MMRN1: variants seen among roughly 807,000 people sequenced by gnomAD.
MMRN1 encodes the protein multimerin 1, also known as multimerin-1.
A neutral mutation model predicts 100.7 loss-of-function variants in MMRN1; 94 were observed. The observed-to-expected ratio is 0.93, with a 90% CI of 0.79 to 1.11. The LOEUF (loss-of-function observed/expected upper bound fraction) is 1.11. Among genes scored for constraint, MMRN1 ranks in the 50% least tolerant of loss-of-function variants. MMRN1 has a pLI of 0.00. For missense variants in MMRN1, 1,606 were observed against 1,439.1 expected (o/e 1.12, Z -1.88); for synonymous variants, 575 against 505.0 (o/e 1.14, Z -1.86).
chr4:89,923,118 A>G (rs1275742268), intron 3 of MMRN1, 50 bp from the exon 4 acceptor site: 1 of 1,416,478 alleles, frequency 7.1e-7, no homozygotes, highest in East Asian at 2.3e-5. Context: ...GGAAAAAATG[A>G]GGCTGTCCCA....
intron 1 of MMRN1, among the ~76,000 whole-genome samples, chr4:89,882,185 A>G (rs1360704650): frequency 1.3e-5 from 2 of 151,830 alleles, no homozygotes; most frequent in African/African-American, 2.4e-5. Context: ...CATGTAAAAA[A>G]GAGAATTTGG....
At chr4:89,942,806 T>A (rs1437404493) in intron 6 of MMRN1, among the ~76,000 whole-genome samples, 1 of 152,148 alleles carries the variant, frequency 6.6e-6, no homozygotes, top group Non-Finnish European at 1.5e-5. Flanking sequence ...AAAAAAATGA[T>A]CGCATGTTGT....
chr4:89,928,075 T>A (rs925798218), intron 5 of MMRN1, 107 bp downstream of exon 5: 2 of 867,888 alleles, frequency 2.3e-6, no homozygotes, highest in Non-Finnish European at 1.7e-6. Context: ...TTGGGTGGTA[T>A]GGAAACCTAA....
chr4:89,895,510 G>A lies in MMRN1; in HGVS notation c.539G>A (p.Arg180Gln), dbSNP rs754133947. 5.0e-6 allele frequency: 8 copies of A among 1,613,756 alleles called. No individual in the cohort carries two copies. In the South Asian group the frequency reaches 5.5e-5, roughly 11 times the overall value. Reference protein sequence around the residue: ...GTGGVGNRAPRETYLSRGDSS... With the variant: ...GTGGVGNRAPQETYLSRGDSS... ...GGAGGCGTGGGAAATCGAGCCCCAC[G>A]GGAAACATACCTCAGCCGGGGTGAC... Residue 180 changes from arginine to glutamine, a missense_variant, in exon 1 of 8, where the codon CGG becomes CAG. Arg to Gln is a conservative substitution (Grantham distance 43, BLOSUM62 1). Coordinates refer to ENST00000264790, the MANE Select transcript of MMRN1 (RefSeq NM_007351.3).
intron 6 of MMRN1, among the ~76,000 whole-genome samples, chr4:89,942,701 A>G (rs1458513213): frequency 6.6e-6 from 1 of 152,182 alleles, no homozygotes; most frequent in Non-Finnish European, 1.5e-5. Context: ...CATTGATATC[A>G]ATATTAATAA....
At chr4:89,919,085 A>G (rs1467582122) in intron 3 of MMRN1, among the ~76,000 whole-genome samples, 1 of 151,640 alleles carries the variant, frequency 6.6e-6, no homozygotes, top group Non-Finnish European at 1.5e-5. Flanking sequence ...ACTCATTTGC[A>G]ATGATATTCC....
chr4:89,898,437 A>T (rs1392830588), intron 1 of MMRN1, among the ~76,000 whole-genome samples: 1 of 151,928 alleles, frequency 6.6e-6, no homozygotes, highest in African/African-American at 2.4e-5. Flanking sequence ...CAGCTCCTAC[A>T]TTACACTCCC....
chr4:89,915,422 T>C (rs112838007), intron 3 of MMRN1, among the ~76,000 whole-genome samples: 2,252 of 151,724 alleles, frequency 0.015, 68 homozygotes, highest in African/African-American at 0.051. Flanking sequence ...AAGTTTTCAC[T>C]TGATATTGAG....
In MMRN1 at chr4:89,935,155, T is replaced by C; in HGVS notation, c.1475T>C (p.Leu492Pro). The change falls in exon 6 of 8, where the codon CTA (leucine) becomes CCA (proline). Residue 492 changes from leucine (L) to proline (P), a missense_variant. Physicochemically the swap from Leu to Pro is moderately conservative, Grantham distance 98. Transcript: ENST00000264790. ...EVKQTHLEGALEQEHSRSILY... is the reference protein window; with the variant it reads ...EVKQTHLEGAPEQEHSRSILY... Reference sequence around the variant, plus strand: ...AAGCAGACTCATTTAGAAGGTGCTCTAGAACAGGAACACTCAAGAAGCATT... The same window carrying C: ...AAGCAGACTCATTTAGAAGGTGCTCCAGAACAGGAACACTCAAGAAGCATT... 1 of 1,613,506 alleles carries C rather than the reference T, an allele frequency of 6.2e-7. No individual in the cohort carries two copies. The highest frequency in any genetic ancestry group is 8.5e-7 in the Non-Finnish European group (1 of 1,179,702).
intron 3 of MMRN1, among the ~76,000 whole-genome samples, chr4:89,921,692 G>A (rs978743913): frequency 6.6e-6 from 1 of 152,036 alleles, no homozygotes; most frequent in Non-Finnish European, 1.5e-5. Flanking sequence ...ATACAGCAGA[G>A]GAAATGAAAA....
At chr4:89,938,389 G>T (rs897428367) in intron 6 of MMRN1, among the ~76,000 whole-genome samples, 2 of 148,298 alleles carry the variant, frequency 1.3e-5, no homozygotes, top group African/African-American at 4.9e-5. Context: ...TCCATTATTG[G>T]TCTTCATGTG....
chr4:89,892,710 T>C (rs919653161), upstream of MMRN1, among the ~76,000 whole-genome samples: 3 of 152,008 alleles, frequency 2.0e-5, no homozygotes, highest in Admixed American at 6.6e-5. Context: ...AAAGTCATTA[T>C]TGGTCAATAC....
At chr4:89,934,052 C>A (rs1460347156) in intron 5 of MMRN1, among the ~76,000 whole-genome samples, 1 of 151,766 alleles carries the variant, frequency 6.6e-6, no homozygotes, top group Non-Finnish European at 1.5e-5. Flanking sequence ...TTAGAGACTA[C>A]CACAATTATG....
rs1357427276 is a variant in MMRN1, at chr4:89,909,390, T to A, written c.738T>A (p.Pro246=). 2 of 1,608,750 alleles carry A rather than the reference T, an allele frequency of 1.2e-6. No homozygotes were observed. Among genetic ancestry groups the A allele is most frequent in the Admixed American group, 1.7e-5 (1 of 59,304 alleles). ...GTGGCTGGACCGGTGGATCCTGTCCTCAGAGGTATGTAATATTTCTTGAAA... is the reference window on the plus strand; with the variant it reads ...GTGGCTGGACCGGTGGATCCTGTCCACAGAGGTATGTAATATTTCTTGAAA... ...GPCGWTGGSC[P]QRSQKISNPV... Residue 246 remains proline (P), a synonymous_variant, in exon 2 of 8, where the codon CCT becomes CCA. Coordinates refer to ENST00000264790, the MANE Select transcript of MMRN1 (RefSeq NM_007351.3).
intron 5 of MMRN1, among the ~76,000 whole-genome samples, chr4:89,931,536 T>C (rs1430337393): frequency 6.6e-6 from 1 of 152,144 alleles, no homozygotes; most frequent in East Asian, 1.9e-4. Context: ...TTAGTCCATT[T>C]TCATATTGCT....
Position 89,900,854 on chromosome 4 carries a change from T to C in MMRN1, c.623+5260T>C, listed in dbSNP as rs558362832. Among the ~76,000 whole-genome samples the C allele has an allele frequency of 2.0e-5, 3 of 152,120 alleles. No individual in the cohort carries two copies. The South Asian group carries it at 6.2e-4, about 32-fold the overall frequency. ...AGGACCTTGAATTATGAACGGAGAA[T>C]CTCTAATATTTGATGAACTGATAGT... is the stretch of plus-strand genomic sequence containing the variant. On this transcript the variant is annotated intron_variant, in intron 1 of 7. Transcript: ENST00000264790.
chr4:89,921,085 A>T (rs931503172), intron 3 of MMRN1, among the ~76,000 whole-genome samples: 1 of 152,126 alleles, frequency 6.6e-6, no homozygotes, highest in African/African-American at 2.4e-5. Flanking sequence ...TGCTTTCACT[A>T]TAATTATGCT....
At chr4:89,948,213 G>T (rs1192060840) in intron 6 of MMRN1, among the ~76,000 whole-genome samples, 1 of 152,138 alleles carries the variant, frequency 6.6e-6, no homozygotes, top group Non-Finnish European at 1.5e-5. Flanking sequence ...GAAAATCAGT[G>T]CCATTCAATC....
rs538877851 is a variant in MMRN1 at position 89,946,732 on chromosome 4, G to C, written c.3119-4873G>C. Among the ~76,000 whole-genome samples, 7 of 152,190 alleles carry C rather than the reference G, an allele frequency of 4.6e-5. No individual in the cohort carries two copies. In the South Asian group the frequency reaches 1.5e-3, roughly 32 times the overall value. ...GGTGCTCTCCAATTAGTTCAAATAT[G>C]TACATTTATGAAATATGAAACTAGG... On this transcript the variant is annotated intron_variant, in intron 6 of 7. Coordinates refer to ENST00000264790, the MANE Select transcript of MMRN1 (RefSeq NM_007351.3).
Sources: allele counts gnomAD v4.1 joint callset (sites outside exome capture counted in the v4.1 genomes callset), GRCh38; gene constraint gnomAD v4.1.1; transcripts MANE v1.5; gene names NCBI Gene and HGNC (gene_info 2026-07-23, HGNC 2026-07-21).